Variants in BRINP3 observed in about 807,000 individuals in gnomAD.
BRINP3 encodes the protein BMP/retinoic acid inducible neural specific 3.
Under a neutral mutation model 71.0 loss-of-function variants are expected in BRINP3, and 19 were observed. The ratio of observed to expected loss-of-function variants is 0.27; its 90% CI spans 0.19 to 0.39. BRINP3 has a LOEUF of 0.39. Ranked by LOEUF, BRINP3 falls within the 10% of genes least tolerant of loss-of-function variation. BRINP3 has a pLI of 1.00. For synonymous variants in BRINP3, 380 were observed against 337.7 expected, an observed-to-expected ratio of 1.13 and a Z score of -1.37; for missense variants, 959 against 940.8, an observed-to-expected ratio of 1.02 and a Z score of -0.25.
intron 2 of BRINP3, among the ~76,000 whole-genome samples, chr1:190,431,988 C>T (rs1217176895): frequency 6.6e-6 from 1 of 151,886 alleles, no homozygotes; most frequent in African/African-American, 2.4e-5. Flanking sequence ...AAATAAGAAC[C>T]AAATAATGCT....
chr1:190,237,796 A>C (rs922346363), intron 4 of BRINP3, among the ~76,000 whole-genome samples: 1 of 152,078 alleles, frequency 6.6e-6, no homozygotes, highest in Non-Finnish European at 1.5e-5. Context: ...ATCAGCCATC[A>C]ATTATGAACA....
chr1:190,377,657 C>A (rs1327625276), intron 2 of BRINP3, among the ~76,000 whole-genome samples: 3 of 150,396 alleles, frequency 2.0e-5, no homozygotes, highest in Non-Finnish European at 4.4e-5. Flanking sequence ...TACACACACA[C>A]AAAGTGTTAG....
chr1:190,312,056 T>TATAC (rs1309656703), intron 2 of BRINP3, among the ~76,000 whole-genome samples: 8 of 140,098 alleles, frequency 5.7e-5, no homozygotes, highest in Non-Finnish European at 9.4e-5. Context: ...TATATATATA[T>TATAC]ATATATATAT....
At chr1:190,238,301 T>G (rs1469417263) in intron 4 of BRINP3, among the ~76,000 whole-genome samples, 1 of 152,004 alleles carries the variant, frequency 6.6e-6, no homozygotes, top group African/African-American at 2.4e-5. Context: ...TTGATACTTA[T>G]TATTAAAATA....
At chr1:190,116,764 A>C (rs115429639) in intron 7 of BRINP3, among the ~76,000 whole-genome samples, 107 of 152,192 alleles carry the variant, frequency 7.0e-4, no homozygotes, top group African/African-American at 2.5e-3. Context: ...TTAAAGCCAC[A>C]GAAGTATTTA....
chr1:190,207,051 G>A (rs1341282045), intron 6 of BRINP3, among the ~76,000 whole-genome samples: 1 of 150,434 alleles, frequency 6.6e-6, no homozygotes, highest in African/African-American at 2.4e-5. Flanking sequence ...AAGTAAGAGT[G>A]ATGTTAATAT....
At chr1:190,178,789 G>T (rs1652782629) in intron 6 of BRINP3, among the ~76,000 whole-genome samples, 3 of 151,948 alleles carry the variant, frequency 2.0e-5, no homozygotes, top group East Asian at 1.9e-4. Flanking sequence ...TAAAAAATTG[G>T]GTGAGTTAAA....
chr1:190,321,216 C>A (rs1278401001), intron 2 of BRINP3, among the ~76,000 whole-genome samples: 1 of 151,984 alleles, frequency 6.6e-6, no homozygotes, highest in Non-Finnish European at 1.5e-5. Flanking sequence ...CAAAGCTAAT[C>A]TCTACCATAA....
chr1:190,197,990 C>T (rs1654643294), intron 6 of BRINP3, among the ~76,000 whole-genome samples: 1 of 152,140 alleles, frequency 6.6e-6, no homozygotes, highest in Non-Finnish European at 1.5e-5. Context: ...TTCCATACAT[C>T]CTCTGAAATC....
At chr1:190,259,718 T>G (rs1661005474) in intron 4 of BRINP3, among the ~76,000 whole-genome samples, 1 of 151,938 alleles carries the variant, frequency 6.6e-6, no homozygotes. Flanking sequence ...TGTTTGCAGA[T>G]AACATTATCT....
At chr1:190,365,835 T>TATAC (rs1553303272) in intron 2 of BRINP3, among the ~76,000 whole-genome samples, 11 of 136,756 alleles carry the variant, frequency 8.0e-5, no homozygotes, top group East Asian at 2.1e-4. Context: ...TATATATATA[T>TATAC]ACACACACAC....
intron 2 of BRINP3, among the ~76,000 whole-genome samples, chr1:190,361,692 A>T (rs1432078290): frequency 6.6e-6 from 1 of 152,076 alleles, no homozygotes; most frequent in Non-Finnish European, 1.5e-5. Context: ...GTGAGCCACC[A>T]TGCCTGGCCA....
intron 7 of BRINP3, among the ~76,000 whole-genome samples, chr1:190,126,196 A>T (rs1284200639): frequency 6.6e-6 from 1 of 152,152 alleles, no homozygotes; most frequent in East Asian, 1.9e-4. Flanking sequence ...CAAAATGCTG[A>T]TAAAAATTCT....
At chr1:190,228,467 T>C (rs1027757969) in intron 5 of BRINP3, among the ~76,000 whole-genome samples, 9 of 151,362 alleles carry the variant, frequency 5.9e-5, no homozygotes, top group African/African-American at 2.0e-4. Context: ...TGTAAGACGG[T>C]AGTGCTTTTG....
At chr1:190,317,980 C>A (rs760430465) in intron 2 of BRINP3, among the ~76,000 whole-genome samples, 6 of 151,898 alleles carry the variant, frequency 4.0e-5, no homozygotes, top group Non-Finnish European at 7.4e-5. Flanking sequence ...TTCCTGAGCA[C>A]AAAAACTAGC....
At chr1:190,328,796 A>T (rs938176458) in intron 2 of BRINP3, among the ~76,000 whole-genome samples, 3 of 152,066 alleles carry the variant, frequency 2.0e-5, no homozygotes, top group East Asian at 1.9e-4. Flanking sequence ...ATATTAGCAA[A>T]TTGAATCCAA....
In BRINP3 at chr1:190,162,110, G is replaced by A. The variant is rs546376500; in HGVS notation, c.962-1220C>T. Among the ~76,000 whole-genome samples the A allele has an allele frequency of 8.6e-5, 13 of 151,230 alleles. No individual in the cohort carries two copies. The South Asian group carries it at 2.7e-3, about 32-fold the overall frequency. ...GTAACAGTACTTTTTACAGAAAAAA[G>A]AAAAGAGAAAACATTTTATAGGGCG... On this transcript the variant is annotated intron_variant, in intron 6 of 7. Transcript: ENST00000367462.
At chr1:190,301,532 T>C (rs1759764) in intron 2 of BRINP3, among the ~76,000 whole-genome samples, 62,683 of 151,158 alleles carry the variant, frequency 0.41, 13,642 homozygotes, top group Non-Finnish European at 0.49. Context: ...CATTTATCTC[T>C]TTCCTTCCTT....
At chr1:190,105,049 C>A (rs1486820852) in intron 7 of BRINP3, among the ~76,000 whole-genome samples, 1 of 152,022 alleles carries the variant, frequency 6.6e-6, no homozygotes, top group African/African-American at 2.4e-5. Context: ...GCATCCACAG[C>A]CATTTAAGCA....
Sources: gnomAD v4.1 joint callset for allele counts (sites outside exome capture counted in the v4.1 genomes callset) on GRCh38, gnomAD v4.1.1 for gene constraint, MANE v1.5 for transcripts, NCBI Gene and HGNC (gene_info 2026-07-23, HGNC 2026-07-21) for gene names.